The following WDR17 variants were observed in gnomAD, a reference collection of about 807,000 sequenced individuals.
WDR17 encodes WD repeat-containing protein 17.
WDR17 carries 143 observed loss-of-function variants against 161.7 expected under a neutral mutation model. The observed-to-expected ratio is 0.88, with a 90% confidence interval of 0.77 to 1.02. WDR17 has a LOEUF of 1.02. WDR17 is among the 50% of genes least tolerant of loss of function. The probability of loss-of-function intolerance (pLI) is 0.00; values close to 1 mark genes in which losing one functional copy is unlikely to be tolerated. For missense variants in WDR17, 1,469 were observed against 1,520.9 expected, an observed-to-expected ratio of 0.97 and a Z score of 0.57; for synonymous variants, 517 against 515.6, an observed-to-expected ratio of 1.00 and a Z score of -0.04.
intron 24 of WDR17, among the ~76,000 whole-genome samples, chr4:176,172,764 A>ATAT (rs1411268048): frequency 1.3e-5 from 2 of 152,112 alleles, no homozygotes; most frequent in African/African-American, 4.8e-5. Flanking sequence ...GTGGTGCAGG[A>ATAT]GCAGGCATAT....
chr4:176,167,567 AC>A (rs535084427), intron 22 of WDR17, among the ~76,000 whole-genome samples: 1 of 128,772 alleles, frequency 7.8e-6, no homozygotes, highest in Non-Finnish European at 1.6e-5. Context: ...AATGGCGTGA[AC>A]CCCAGGGGGC....
At chr4:176,118,437 T>A (rs1264261333) in intron 3 of WDR17, among the ~76,000 whole-genome samples, 1 of 152,142 alleles carries the variant, frequency 6.6e-6, no homozygotes, top group East Asian at 1.9e-4. Flanking sequence ...TTTACTGGCG[T>A]TTTTCATGTA....
At chr4:176,119,705 C>G (rs969839282) in intron 3 of WDR17, among the ~76,000 whole-genome samples, 162 bp from the exon 4 acceptor site, 1 of 152,132 alleles carries the variant, frequency 6.6e-6, no homozygotes, top group African/African-American at 2.4e-5. Flanking sequence ...CCTATGTTCC[C>G]TGCAGTCTTT....
intron 4 of WDR17, among the ~76,000 whole-genome samples, chr4:176,120,880 G>A (rs910030130): frequency 6.6e-6 from 1 of 151,732 alleles, no homozygotes; most frequent in Non-Finnish European, 1.5e-5. Context: ...AATTGAAATT[G>A]AACAAATGAA....
At chr4:176,160,779 CTAAGATTATCTCCAAATTA>C (rs1380145140) in intron 19 of WDR17, 113 bp from the exon 20 acceptor site, 1 of 760,464 alleles carries the variant, frequency 1.3e-6, no homozygotes, top group East Asian at 2.9e-5. Context: ...TCCTCAAATT[CTAAGATTATCTCCAAATTA>C]TAGTATAAAT....
At chr4:176,092,711 A>C (rs1168545453) in intron 1 of WDR17, among the ~76,000 whole-genome samples, 5 of 152,192 alleles carry the variant, frequency 3.3e-5, no homozygotes, top group Non-Finnish European at 7.4e-5. Context: ...ATACAAAAAT[A>C]AGCAGCATTT....
At chr4:176,149,356 A>T (rs544901314) in intron 13 of WDR17, among the ~76,000 whole-genome samples, 92 of 151,654 alleles carry the variant, frequency 6.1e-4, no homozygotes, top group Non-Finnish European at 1.3e-3. Flanking sequence ...GTCAACCTTC[A>T]CCTCCCAGGT....
intron 26 of WDR17, among the ~76,000 whole-genome samples, chr4:176,175,946 G>C (rs1327125839): frequency 6.6e-6 from 1 of 152,142 alleles, no homozygotes; most frequent in Non-Finnish European, 1.5e-5. Context: ...TATTGCGTAG[G>C]TGAAGCACTA....
At chr4:176,151,714 C>A in intron 16 of WDR17, 98 bp from the exon 17 acceptor site, 2 of 1,080,246 alleles carry the variant, frequency 1.9e-6, no homozygotes, top group South Asian at 1.8e-5. Context: ...TTCAATTCCG[C>A]TCTATTAGTT....
chr4:176,129,476 T>C (rs1245985267), intron 6 of WDR17, among the ~76,000 whole-genome samples: 3 of 152,060 alleles, frequency 2.0e-5, no homozygotes, highest in African/African-American at 7.2e-5. Flanking sequence ...GGTTTAGAAT[T>C]AGAATTTTTT....
chr4:176,070,577 G>A (rs942311553), intron 1 of WDR17, among the ~76,000 whole-genome samples: 2 of 151,662 alleles, frequency 1.3e-5, no homozygotes, highest in African/African-American at 4.8e-5. Flanking sequence ...GCAGTGGTGT[G>A]ATCATGGCTC....
chr4:176,149,101 G>C (rs1282910972), intron 13 of WDR17, among the ~76,000 whole-genome samples: 5 of 152,060 alleles, frequency 3.3e-5, no homozygotes, highest in East Asian at 3.9e-4. Flanking sequence ...CTTTTAACTA[G>C]AACGTCATCT....
chr4:176,073,400 C>A lies in WDR17; in HGVS notation c.-7+7321C>A, dbSNP rs1244881489. 2.0e-5 allele frequency among the ~76,000 whole-genome samples: 3 copies of A among 151,952 alleles called. No homozygotes were observed. The East Asian group carries it at 5.8e-4, about 29-fold the overall frequency. On this transcript the variant is annotated intron_variant, in intron 1 of 28. Coordinates refer to ENST00000508596, the MANE Select transcript of WDR17 (RefSeq NM_181265.4). ...ATAGTTTGCTGAGAATGATCGTTTC[C>A]AGTTTCATCCATGTCCCTACAAAGG... is the stretch of plus-strand genomic sequence containing the variant.
chr4:176,152,171 C>G (rs1407303530), intron 17 of WDR17, among the ~76,000 whole-genome samples: 2 of 150,994 alleles, frequency 1.3e-5, no homozygotes, highest in African/African-American at 2.4e-5. Context: ...ATTAGACAGG[C>G]ATGGTGGTGT....
chr4:176,167,657 A>AAAAAAAAC (rs1579248822), intron 22 of WDR17, among the ~76,000 whole-genome samples: 1 of 117,400 alleles, frequency 8.5e-6, no homozygotes, highest in Non-Finnish European at 1.9e-5. Context: ...AAAAAAAAAA[A>AAAAAAAAC]AAAAAAAAAA....
intron 1 of WDR17, among the ~76,000 whole-genome samples, chr4:176,076,254 T>TATATAC (rs1484407765): frequency 3.4e-4 from 20 of 59,502 alleles, no homozygotes; most frequent in African/African-American, 7.1e-4. Flanking sequence ...TATATATATA[T>TATATAC]ACACACACAC....
intron 12 of WDR17, among the ~76,000 whole-genome samples, chr4:176,146,831 T>A (rs1240372402): frequency 6.6e-6 from 1 of 152,100 alleles, no homozygotes. Flanking sequence ...CTTTGATATA[T>A]TGTCGTGTGC....
intron 3 of WDR17, among the ~76,000 whole-genome samples, chr4:176,118,960 CA>C (rs1477755290): frequency 6.6e-6 from 1 of 151,544 alleles, no homozygotes; most frequent in Non-Finnish European, 1.5e-5. Flanking sequence ...GACTCCGTCT[CA>C]AAAAATAATA....
intron 13 of WDR17, 56 bp downstream of exon 13, chr4:176,148,391 T>C: frequency 6.8e-7 from 1 of 1,479,988 alleles, no homozygotes; most frequent in Non-Finnish European, 9.4e-7. Context: ...TAATGATGCT[T>C]ATAACTTCTG....
Sources: gnomAD v4.1 joint callset for allele counts (sites outside exome capture counted in the v4.1 genomes callset) on GRCh38, gnomAD v4.1.1 for gene constraint, MANE v1.5 for transcripts, NCBI Gene and HGNC (gene_info 2026-07-23, HGNC 2026-07-21) for gene names.